MACROD1: variants seen among roughly 807,000 people sequenced by gnomAD.
MACROD1 encodes the protein mono-ADP ribosylhydrolase 1.
In MACROD1, 31 loss-of-function variants were observed where a neutral mutation model predicts 41.4. That is an observed-to-expected ratio of 0.75 (90% CI 0.56 to 1.01). The LOEUF is 1.01. MACROD1 is among the 50% of genes least tolerant of loss of function. The pLI is 0.00. For synonymous variants in MACROD1, 252 were observed against 203.4 expected (o/e 1.24, Z -2.03); for missense variants, 473 against 460.0 (o/e 1.03, Z -0.26).
Position 64,122,505 on chromosome 11 carries a change from C to T in MACROD1, c.517+28734G>A, listed in dbSNP as rs1182473451. 6.6e-6 allele frequency among the ~76,000 whole-genome samples: 1 copy of T among 152,354 alleles called. No homozygotes were observed. The highest frequency in any genetic ancestry group is 1.9e-4 in the East Asian group (1 of 5,192). ...CCTCTACACAGGCACCGGGTCTCCT[C>T]CTTCCCCTGGGGATCTGGGAAACCC... On this transcript the variant is annotated intron_variant, in intron 3 of 10. Transcript: ENST00000255681. The surrounding 1 kb of genome is among the most constrained non-coding windows in gnomAD (Gnocchi z 4.0).
chr11:64,155,585 C>T (rs1945654886), intron 1 of MACROD1, among the ~76,000 whole-genome samples: 1 of 152,340 alleles, frequency 6.6e-6, no homozygotes, highest in South Asian at 2.1e-4. Context: ...GCCAGACACA[C>T]TCACTCCTTC....
At chr11:64,054,711 C>A (rs1473580132) in intron 3 of MACROD1, among the ~76,000 whole-genome samples, 1 of 152,150 alleles carries the variant, frequency 6.6e-6, no homozygotes, top group Non-Finnish European at 1.5e-5. Context: ...CTATCTTGCT[C>A]CCAAATCAAC....
intron 1 of MACROD1, among the ~76,000 whole-genome samples, chr11:64,154,729 A>AT (rs534858327): frequency 9.3e-5 from 14 of 150,682 alleles, no homozygotes; most frequent in African/African-American, 2.4e-4. Flanking sequence ...TTATTCTTTT[A>AT]TTTTTTTTTG....
chr11:64,019,017 A>ATG (rs2134346744), intron 3 of MACROD1, among the ~76,000 whole-genome samples: 1 of 152,118 alleles, frequency 6.6e-6, no homozygotes, highest in East Asian at 1.9e-4. Flanking sequence ...TTTGAACGCC[A>ATG]TGTGGGGCTG....
Position 63,998,950 on chromosome 11 carries a change from C to G in MACROD1, c.973+5G>C. ...GCGGGCCGTGGGGCGGCGCGGGGCA[C>G]GTACCCACGGGGAAGTAGTGGGGGA... On this transcript the variant is annotated splice_donor_5th_base_variant and intron_variant, in intron 9 of 10. Transcript: ENST00000255681. 1 of 1,589,738 alleles carries G rather than the reference C, an allele frequency of 6.3e-7. No homozygotes were observed. Among genetic ancestry groups the G allele is most frequent in the Non-Finnish European group, 8.5e-7 (1 of 1,170,490 alleles).
At chr11:64,029,971 G>A (rs1943272436) in intron 3 of MACROD1, among the ~76,000 whole-genome samples, 1 of 152,176 alleles carries the variant, frequency 6.6e-6, no homozygotes. Context: ...AAGGGAAGGA[G>A]GGGCCCATGA....
chr11:64,015,202 G>A (rs1490836351), intron 4 of MACROD1, 50 bp downstream of exon 4: 1 of 1,548,078 alleles, frequency 6.5e-7, no homozygotes, highest in Non-Finnish European at 8.7e-7. Context: ...AGCAGACCCA[G>A]CAGGGGAGAT....
chr11:64,079,406 T>TG (rs1392494588), intron 3 of MACROD1, among the ~76,000 whole-genome samples: 5 of 122,146 alleles, frequency 4.1e-5, no homozygotes, highest in Admixed American at 8.3e-5. Context: ...TCGTTGGGGA[T>TG]GGGGGGGTGT....
In MACROD1 at chr11:64,067,537, C is replaced by G. The variant is rs1428520506; in HGVS notation, c.518-52256G>C. ...ACCTCCCCAACTCCCCAGCCCCTCCCCCTGGGGCTCAGGGACCCAAAGCAG... is the reference window on the plus strand; with the variant it reads ...ACCTCCCCAACTCCCCAGCCCCTCCGCCTGGGGCTCAGGGACCCAAAGCAG... On this transcript the variant is annotated intron_variant, in intron 3 of 10. Transcript: ENST00000255681. This position sits in a 1 kb window ranked among gnomAD's most constrained non-coding sequence, Gnocchi z 4.6. Among the ~76,000 whole-genome samples, 5 of 151,842 alleles carry G rather than the reference C, an allele frequency of 3.3e-5. No homozygotes were observed. The highest frequency in any genetic ancestry group is 1.2e-4 in the African/African-American group (5 of 41,352).
intron 3 of MACROD1, among the ~76,000 whole-genome samples, chr11:64,056,766 G>A (rs1054979143): frequency 3.3e-5 from 5 of 152,286 alleles, no homozygotes; most frequent in African/African-American, 1.2e-4. Flanking sequence ...GGTGTGGGAT[G>A]GGGTAGTGCG....
Position 64,120,163 on chromosome 11 carries a change from G to A in MACROD1, c.517+31076C>T, listed in dbSNP as rs959921017. Among the ~76,000 whole-genome samples, 3 of 152,148 alleles carry A rather than the reference G, an allele frequency of 2.0e-5. No homozygotes were observed. The highest frequency in any genetic ancestry group is 4.4e-5 in the Non-Finnish European group (3 of 68,030). The stretch of plus-strand genomic sequence containing the variant: ...GTGAGGAGATGGGGCTGAAAGGAGC[G>A]GACACAACAGCCACGTGGAAAGTGG... On this transcript the variant is annotated intron_variant, in intron 3 of 10. Transcript: ENST00000255681. The surrounding 1 kb of genome is among the most constrained non-coding windows in gnomAD (Gnocchi z 4.5).
At chr11:64,102,067 A>G (rs1437121902) in intron 3 of MACROD1, among the ~76,000 whole-genome samples, 2 of 152,220 alleles carry the variant, frequency 1.3e-5, no homozygotes, top group African/African-American at 4.8e-5. Context: ...TCTGACAACA[A>G]GCATTTCTCA....
At chr11:64,160,346 A>G (rs536085819) in intron 1 of MACROD1, among the ~76,000 whole-genome samples, 9 of 152,094 alleles carry the variant, frequency 5.9e-5, no homozygotes, top group Non-Finnish European at 1.2e-4. Context: ...ATATTTCCCC[A>G]CCACAAACTG....
At chr11:64,107,953 C>A (rs559944059) in intron 3 of MACROD1, among the ~76,000 whole-genome samples, 17 of 152,220 alleles carry the variant, frequency 1.1e-4, no homozygotes, top group Non-Finnish European at 2.1e-4. Context: ...ATAGTTCCCT[C>A]ATTCTGAATA....
At chr11:64,059,037 T>G (rs1027047852) in intron 3 of MACROD1, among the ~76,000 whole-genome samples, 5 of 152,076 alleles carry the variant, frequency 3.3e-5, no homozygotes, top group Non-Finnish European at 7.4e-5. Context: ...TGATGCTCTT[T>G]GGATGGAGTG....
chr11:64,143,753 TACACAC>T (rs55995667), intron 3 of MACROD1, among the ~76,000 whole-genome samples: 1,789 of 101,626 alleles, frequency 0.018, 36 homozygotes, highest in East Asian at 0.071. Flanking sequence ...GACACACACA[TACACAC>T]ACACACACAC....
chr11:64,105,558 G>A (rs1944746892), intron 3 of MACROD1, among the ~76,000 whole-genome samples: 1 of 152,144 alleles, frequency 6.6e-6, no homozygotes. Flanking sequence ...ATTCTATGAC[G>A]TGCCCAACAC....
chr11:64,048,836 G>A (rs1414536181), intron 3 of MACROD1, among the ~76,000 whole-genome samples: 3 of 152,188 alleles, frequency 2.0e-5, no homozygotes, highest in African/African-American at 7.2e-5. Flanking sequence ...AGCACCCGAG[G>A]TGGGCCAGGC....
intron 3 of MACROD1, among the ~76,000 whole-genome samples, chr11:64,045,769 G>A (rs1943573390): frequency 6.6e-6 from 1 of 152,216 alleles, no homozygotes; most frequent in East Asian, 1.9e-4. Context: ...TCTGGGGGAT[G>A]AGAAGGAATT....
Sources: gnomAD v4.1 joint callset for allele counts (sites outside exome capture counted in the v4.1 genomes callset) on GRCh38, gnomAD v4.1.1 for gene constraint, Gnocchi (gnomAD v3.1) non-coding constraint, MANE v1.5 for transcripts, NCBI Gene and HGNC (gene_info 2026-07-23, HGNC 2026-07-21) for gene names.